Variants in OPHN1 observed in about 807,000 individuals in gnomAD.
The protein encoded by OPHN1 is oligophrenin-1.
In OPHN1, 11 loss-of-function variants were observed where a neutral mutation model predicts 60.7. The observed-to-expected ratio is 0.18, with a 90% CI of 0.11 to 0.30. The LOEUF (loss-of-function observed/expected upper bound fraction) is 0.30. Ranked by LOEUF, OPHN1 falls within the 10% of genes least tolerant of loss-of-function variation. OPHN1 has a pLI of 1.00. For missense variants in OPHN1, 449 were observed against 611.0 expected, an observed-to-expected ratio of 0.73 and a Z score of 2.80; for synonymous variants, 226 against 222.6, an observed-to-expected ratio of 1.02 and a Z score of -0.14.
intron 4 of OPHN1, among the ~76,000 whole-genome samples, chrX:68,279,963 A>G (rs1281717640): frequency 1.8e-5 from 2 of 111,933 alleles, no homozygotes; most frequent in African/African-American, 6.5e-5. Flanking sequence ...AGAAACAACT[A>G]GGGCTAAAGA....
chrX:68,248,249 A>G (rs1306826902), intron 5 of OPHN1, among the ~76,000 whole-genome samples: 2 of 110,020 alleles, frequency 1.8e-5, no homozygotes, highest in Non-Finnish European at 3.8e-5. Flanking sequence ...CTATTGAAGC[A>G]GAAAAGAAAA....
intron 15 of OPHN1, among the ~76,000 whole-genome samples, chrX:68,168,301 G>C (rs2077370093): frequency 9.0e-6 from 1 of 110,936 alleles, no homozygotes; most frequent in Non-Finnish European, 1.9e-5. Flanking sequence ...ATAACAAACT[G>C]TCTCTCAGAC....
intron 2 of OPHN1, among the ~76,000 whole-genome samples, chrX:68,386,796 A>C (rs1216855481): frequency 8.9e-6 from 1 of 112,245 alleles, no homozygotes; most frequent in Non-Finnish European, 1.9e-5. Context: ...CCACCAGCTG[A>C]CTTCTCTTAG....
chrX:68,090,300 T>C (rs2077012665), intron 19 of OPHN1, among the ~76,000 whole-genome samples: 1 of 108,054 alleles, frequency 9.3e-6, no homozygotes, highest in South Asian at 4.0e-4. Flanking sequence ...AGAGATACAT[T>C]CTAAAATACA....
chrX:68,341,064 A>AT (rs1304540947), intron 2 of OPHN1, among the ~76,000 whole-genome samples: 2 of 107,337 alleles, frequency 1.9e-5, no homozygotes, highest in Admixed American at 1.0e-4. Flanking sequence ...TCAATTAAAC[A>AT]TTTTTTTACT....
At chrX:68,386,152 C>T (rs2078623401) in intron 2 of OPHN1, among the ~76,000 whole-genome samples, 1 of 112,089 alleles carries the variant, frequency 8.9e-6, no homozygotes, top group Non-Finnish European at 1.9e-5. Context: ...AATAAAAATT[C>T]TAATTCCAAG....
chrX:68,207,291 GCTAA>G (rs2077563994), intron 9 of OPHN1, among the ~76,000 whole-genome samples: 1 of 108,556 alleles, frequency 9.2e-6, no homozygotes, highest in African/African-American at 3.4e-5. Flanking sequence ...ACCACGCCCG[GCTAA>G]CTTTTTGTAT....
At chrX:68,218,454 A>G (rs1441623126) in intron 6 of OPHN1, among the ~76,000 whole-genome samples, 2 of 106,633 alleles carry the variant, frequency 1.9e-5, no homozygotes, top group Non-Finnish European at 3.9e-5. Context: ...CCTTGAAAAG[A>G]GCGACTCCAA....
chrX:68,131,190 T>TTTTA (rs60984024), intron 15 of OPHN1, among the ~76,000 whole-genome samples: 16,007 of 98,350 alleles, frequency 0.16, 1,824 homozygotes, highest in African/African-American at 0.36. Context: ...CAAAGAACAC[T>TTTTA]TTTATTTATT....
intron 19 of OPHN1, among the ~76,000 whole-genome samples, chrX:68,089,787 A>ACAGG (rs2077009506): frequency 1.8e-5 from 2 of 111,530 alleles, no homozygotes; most frequent in Admixed American, 1.9e-4. Context: ...TTCACCTCAA[A>ACAGG]CAGGGCCTGA....
At chrX:68,429,658 G>C (rs1327538360) in intron 2 of OPHN1, among the ~76,000 whole-genome samples, 3 of 111,369 alleles carry the variant, frequency 2.7e-5, no homozygotes, top group Non-Finnish European at 5.7e-5. Context: ...AGGAATTAGA[G>C]GTGACAGTGA....
At chrX:68,185,303 C>G (rs1339849653) in intron 15 of OPHN1, among the ~76,000 whole-genome samples, 1 of 112,099 alleles carries the variant, frequency 8.9e-6, no homozygotes. Context: ...TTGAGAAAAA[C>G]AAACATTCTC....
chrX:68,111,913 T>C lies in OPHN1; in HGVS notation c.1467A>G (p.Val489=), dbSNP rs2077105656. 1 of 1,207,284 alleles carries C rather than the reference T, an allele frequency of 8.3e-7. No homozygotes were observed. Among genetic ancestry groups the C allele is most frequent in the Non-Finnish European group, 1.1e-6 (1 of 891,558 alleles). Residue 489 remains valine (V), a synonymous_variant, in exon 18 of 25, where the codon GTA becomes GTG. Coordinates refer to ENST00000355520, the MANE Select transcript of OPHN1 (RefSeq NM_002547.3). ...CTCGGTTCTTTTCTGGTAGCTTATA[T>C]ACCAGGGAGTGAATAGCTCCTAGGC... ...DYRLGAIHSL[V]YKLPEKNREM...
At chrX:68,352,305 C>T (rs1278675881) in intron 2 of OPHN1, among the ~76,000 whole-genome samples, 5 of 107,503 alleles carry the variant, frequency 4.7e-5, no homozygotes, top group Non-Finnish European at 7.7e-5. Flanking sequence ...ATTTGGTAGA[C>T]AGTCTCCAGA....
intron 6 of OPHN1, among the ~76,000 whole-genome samples, chrX:68,227,175 G>A (rs955095236): frequency 9.0e-6 from 1 of 111,512 alleles, no homozygotes; most frequent in Non-Finnish European, 1.9e-5. Context: ...ATTACATAAT[G>A]GTAAAGGAAT....
At chrX:68,368,390 A>G (rs2032464556) in intron 2 of OPHN1, among the ~76,000 whole-genome samples, 2 of 110,892 alleles carry the variant, frequency 1.8e-5, no homozygotes, top group Admixed American at 1.9e-4. Context: ...CAAAAAACAA[A>G]TATTAGCTGG....
intron 3 of OPHN1, among the ~76,000 whole-genome samples, chrX:68,295,381 T>G (rs777096152): frequency 5.3e-5 from 6 of 112,263 alleles, no homozygotes; most frequent in African/African-American, 1.6e-4. Context: ...CTAAATGATT[T>G]ACAGACACTC....
chrX:68,090,903 TC>T (rs776098530), intron 19 of OPHN1, among the ~76,000 whole-genome samples: 174 of 111,481 alleles, frequency 1.6e-3, no homozygotes, highest in Non-Finnish European at 2.6e-3. Context: ...TCAACTATTC[TC>T]CCAGAAAACT....
chrX:68,126,428 C>A (rs902550264), intron 15 of OPHN1, among the ~76,000 whole-genome samples: 1 of 110,470 alleles, frequency 9.1e-6, no homozygotes, highest in Non-Finnish European at 1.9e-5. Flanking sequence ...ATGGCAATTC[C>A]AGATTTATAG....
Sources: allele counts gnomAD v4.1 joint callset (sites outside exome capture counted in the v4.1 genomes callset), GRCh38; gene constraint gnomAD v4.1.1; transcripts MANE v1.5; gene names NCBI Gene and HGNC (gene_info 2026-07-23, HGNC 2026-07-21).